The following NPHP3 variants were observed in gnomAD, a reference collection of about 807,000 sequenced individuals.
NPHP3 encodes nephrocystin-3.
NPHP3 carries 123 observed loss-of-function variants against 171.9 expected under a neutral mutation model. The ratio of observed to expected loss-of-function variants is 0.72; its 90% CI spans 0.62 to 0.83. NPHP3 has a LOEUF of 0.83. NPHP3 is among the 40% of genes least tolerant of loss of function. NPHP3 has a pLI of 0.00. For synonymous variants in NPHP3, 558 were observed against 579.2 expected, an observed-to-expected ratio of 0.96 and a Z score of 0.52; for missense variants, 1,506 against 1,591.9, an observed-to-expected ratio of 0.95 and a Z score of 0.92.
At position 132,722,059 on chromosome 3, in the gene NPHP3, C is replaced by G. The variant is rs765734209; in HGVS notation, c.297G>C (p.Glu99Asp). 6 of 1,612,932 alleles carry G rather than the reference C, an allele frequency of 3.7e-6. No homozygotes were observed. The South Asian group carries it at 6.6e-5, about 18-fold the overall frequency. The change falls in exon 1 of 27, where the codon GAG becomes GAC. Residue 99 changes from glutamate (E) to aspartate (D), a missense_variant. By Grantham distance (45) the Glu-to-Asp change is conservative. Transcript: ENST00000337331. ...AEYERLRKEYEIFRVSKNQEL... is the reference protein window; with the variant it reads ...AEYERLRKEYDIFRVSKNQEL... ...CCTGGTTCTTGCTGACGCGAAAGAT[C>G]TCGTACTCCTTCCTGAGCCGCTCGT...
intron 19 of NPHP3, among the ~76,000 whole-genome samples, chr3:132,690,073 G>T (rs1180956626): frequency 2.0e-5 from 3 of 152,114 alleles, no homozygotes; most frequent in Non-Finnish European, 4.4e-5. Context: ...ATACATTTTT[G>T]AATTAGGGTA....
chr3:132,713,911 A>G (rs555985676), intron 5 of NPHP3, among the ~76,000 whole-genome samples: 1 of 152,390 alleles, frequency 6.6e-6, no homozygotes, highest in Non-Finnish European at 1.5e-5. Context: ...GGTAATCAAC[A>G]ACAGGGAAGA....
intron 16 of NPHP3, among the ~76,000 whole-genome samples, chr3:132,694,378 T>TG (rs766476951): frequency 0.031 from 4,654 of 148,864 alleles, 215 homozygotes; most frequent in African/African-American, 0.11. Flanking sequence ...TGTGTGTGTG[T>TG]TTACACACAC....
intron 23 of NPHP3, 92 bp from the exon 24 acceptor site, chr3:132,684,886 TA>T: frequency 7.0e-7 from 1 of 1,419,034 alleles, no homozygotes; most frequent in South Asian, 1.2e-5. Flanking sequence ...GACTCATCTT[TA>T]TTCTTAGATT....
At chr3:132,691,378 C>T (rs1939295344) in intron 17 of NPHP3, 92 bp from the exon 18 acceptor site, 2 of 857,566 alleles carry the variant, frequency 2.3e-6, no homozygotes, top group African/African-American at 1.7e-5. Flanking sequence ...TATAATTATT[C>T]CTATTTTATA....
intron 3 of NPHP3, among the ~76,000 whole-genome samples, chr3:132,718,289 T>G (rs565915749): frequency 1.7e-4 from 26 of 152,354 alleles, no homozygotes; most frequent in Non-Finnish European, 2.9e-4. Context: ...CTTTAACATT[T>G]TCTTAGAATA....
At chr3:132,694,355 ATG>A (rs141353877) in intron 16 of NPHP3, among the ~76,000 whole-genome samples, 41,707 of 143,656 alleles carry the variant, frequency 0.29, 6,308 homozygotes, top group East Asian at 0.65. Context: ...GAAGGAAATT[ATG>A]TGTGTGTGTG....
At chr3:132,687,722 T>C (rs1380679782) in intron 21 of NPHP3, among the ~76,000 whole-genome samples, 2 of 152,216 alleles carry the variant, frequency 1.3e-5, no homozygotes, top group Non-Finnish European at 2.9e-5. Flanking sequence ...AGTTAAAAAA[T>C]TCCATTATGT....
In NPHP3 at chr3:132,719,711, T is replaced by C. The variant is rs1312887672; in HGVS notation, c.513A>G (p.Gln171=). The C allele has an allele frequency of 1.3e-6, 2 of 1,556,326 alleles. No homozygotes were observed. The highest frequency in any genetic ancestry group is 2.7e-5 in the African/African-American group (2 of 73,786). ...FEHDRDKVKR[Q]FKIFRETKEN... ...AAAAATGTAAGGAATTTACCTTGAATTGCCTTTTAACTTTATCTCTGTCAT... is the reference window on the plus strand; with the variant it reads ...AAAAATGTAAGGAATTTACCTTGAACTGCCTTTTAACTTTATCTCTGTCAT... The change falls in exon 2 of 27, where the codon CAA becomes CAG. Residue 171 remains glutamine (Q), a synonymous_variant. Coordinates refer to ENST00000337331, the MANE Select transcript of NPHP3 (RefSeq NM_153240.5).
intron 5 of NPHP3, among the ~76,000 whole-genome samples, chr3:132,713,871 T>G (rs1939978757): frequency 1.3e-5 from 2 of 152,230 alleles, no homozygotes; most frequent in South Asian, 2.1e-4. Context: ...TAAAATTGAA[T>G]AATATCACAA....
chr3:132,700,374 C>A lies in NPHP3; in HGVS notation c.1703G>T (p.Ser568Ile). ...SHFVGRPMST[S>I]SESSLIIKRL... ...TTTAATAATCAAGGAGGACTCTGAG[C>A]TGGTTGACATGGGCCTTCCCACAAA... Residue 568 changes from serine (S) to isoleucine (I), a missense_variant, in exon 11 of 27, where the codon AGC becomes ATC. Coordinates refer to ENST00000337331, the MANE Select transcript of NPHP3 (RefSeq NM_153240.5). 1 of 1,613,146 alleles carries A rather than the reference C, an allele frequency of 6.2e-7. No homozygotes were observed. Among genetic ancestry groups the A allele is most frequent in the Non-Finnish European group, 8.5e-7 (1 of 1,179,188 alleles).
At chr3:132,721,774 CCT>C in intron 1 of NPHP3, 187 bp downstream of exon 1, 1 of 804,088 alleles carries the variant, frequency 1.2e-6, no homozygotes, top group South Asian at 1.5e-5. Flanking sequence ...GCAGCGAGAC[CCT>C]GTCTCCAAAA....
At chr3:132,717,098 T>C (rs1940074488) in intron 3 of NPHP3, 189 bp from the exon 4 acceptor site, 1 of 566,746 alleles carries the variant, frequency 1.8e-6, no homozygotes. Context: ...TAATTCTGGT[T>C]ATCATCTCAA....
chr3:132,705,869 G>T, intron 7 of NPHP3, 55 bp from the exon 8 acceptor site: 2 of 942,388 alleles, frequency 2.1e-6, no homozygotes, highest in Admixed American at 3.6e-5. Flanking sequence ...AGAAGGAAGT[G>T]GTGGTAAATA....
At chr3:132,707,974 T>C (rs1939798569) in intron 7 of NPHP3, 127 bp downstream of exon 7, 1 of 879,136 alleles carries the variant, frequency 1.1e-6, no homozygotes, top group Middle Eastern at 2.2e-4. Context: ...TCCCCTCACT[T>C]ATCTGTTCCA....
intron 10 of NPHP3, 72 bp downstream of exon 10, chr3:132,701,358 G>T: frequency 9.6e-7 from 1 of 1,042,014 alleles, no homozygotes; most frequent in Non-Finnish European, 1.5e-6. Flanking sequence ...AGGCAGGCAT[G>T]CAATACATTT....
At chr3:132,701,014 TGTATTTCA>T in intron 10 of NPHP3, among the ~76,000 whole-genome samples, 1 of 152,348 alleles carries the variant, frequency 6.6e-6, no homozygotes, top group South Asian at 2.1e-4. Flanking sequence ...TTCTGTAGAA[TGTATTTCA>T]CTCTAACTAG....
intron 24 of NPHP3, among the ~76,000 whole-genome samples, chr3:132,683,826 C>T (rs548982396): frequency 2.6e-5 from 4 of 152,158 alleles, no homozygotes; most frequent in Admixed American, 6.5e-5. Flanking sequence ...TTGGAGACTG[C>T]ATCAAAATAA....
At chr3:132,689,877 T>G (rs183844018) in intron 19 of NPHP3, among the ~76,000 whole-genome samples, 1 of 152,128 alleles carries the variant, frequency 6.6e-6, no homozygotes, top group Non-Finnish European at 1.5e-5. Flanking sequence ...AAATAAGAGA[T>G]GCAACAAATT....
Sources: allele counts gnomAD v4.1 joint callset (sites outside exome capture counted in the v4.1 genomes callset), GRCh38; gene constraint gnomAD v4.1.1; transcripts MANE v1.5; gene names NCBI Gene and HGNC (gene_info 2026-07-23, HGNC 2026-07-21).